Variants in GPLD1 observed in about 807,000 individuals in gnomAD.
GPLD1 encodes the protein glycosylphosphatidylinositol specific phospholipase D1, also known as phosphatidylinositol-glycan-specific phospholipase D.
GPLD1 carries 84 observed loss-of-function variants against 112.6 expected under a neutral mutation model. That is an observed-to-expected ratio of 0.75 (90% confidence interval 0.63 to 0.89). The LOEUF (loss-of-function observed/expected upper bound fraction) is 0.89, where lower values mean the gene tolerates loss of function less well. GPLD1 is among the 40% of genes least tolerant of loss of function. The pLI, the probability that GPLD1 is intolerant of heterozygous loss-of-function variation, is 0.00. For synonymous variants in GPLD1, 386 were observed against 403.8 expected, an observed-to-expected ratio of 0.96 and a Z score of 0.53; for missense variants, 1,044 against 1,051.5, an observed-to-expected ratio of 0.99 and a Z score of 0.10.
At position 24,462,862 on chromosome 6, in the gene GPLD1, T is replaced by A. The variant is rs796709718; in HGVS notation, c.822-67A>T. The A allele has an allele frequency of 2.1e-5, 24 of 1,138,608 alleles. No homozygotes were observed. In the African/African-American group the frequency reaches 3.2e-4, roughly 15 times the overall value. 70.5% of individuals were successfully genotyped at this position (1,138,608 alleles called of 1,614,324 possible). ...TCACAAGCATGAATTTTACCGAGAA[T>A]CGGTAGTGCGCTTCAATCATCTCCC... On this transcript the variant is annotated intron_variant, in intron 10 of 24. Coordinates refer to ENST00000230036, the MANE Select transcript of GPLD1 (RefSeq NM_001503.4).
intron 3 of GPLD1, among the ~76,000 whole-genome samples, chr6:24,477,391 C>T (rs2760153): frequency 0.89 from 135,129 of 151,018 alleles, 61,153 homozygotes; most frequent in African/African-American, 0.96. Flanking sequence ...ACTGTAATTA[C>T]AAAGGCTAAT....
At position 24,467,191 on chromosome 6, in the gene GPLD1, C is replaced by A. The variant is rs779895970; in HGVS notation, c.629G>T (p.Cys210Phe). The A allele has an allele frequency of 2.5e-6, 4 of 1,595,654 alleles. No homozygotes were observed. Among genetic ancestry groups the A allele is most frequent in the Admixed American group, 1.7e-5 (1 of 59,966 alleles). ...KVITENVIVD[C>F]SHIQFLEMYG... ...CATTTCTAAGAACTGGATATGTGAACAATCAACGATTACATTTTCGGTGAT... is the reference window on the plus strand; with the variant it reads ...CATTTCTAAGAACTGGATATGTGAAAAATCAACGATTACATTTTCGGTGAT... The change falls in exon 8 of 25, where the codon TGT (cysteine) becomes TTT (phenylalanine). Residue 210 changes from cysteine (C) to phenylalanine (F), a missense_variant. Physicochemically the swap from Cys to Phe is radical, Grantham distance 205. Coordinates refer to ENST00000230036, the MANE Select transcript of GPLD1 (RefSeq NM_001503.4).
intron 13 of GPLD1, among the ~76,000 whole-genome samples, chr6:24,454,637 T>C (rs1008016575): frequency 1.3e-5 from 2 of 150,624 alleles, no homozygotes; most frequent in Admixed American, 7.3e-5. Context: ...AAATAGACTA[T>C]GTTTTTACCA....
chr6:24,453,879 G>C, intron 14 of GPLD1, 136 bp downstream of exon 14: 2 of 631,142 alleles, frequency 3.2e-6, no homozygotes, highest in Non-Finnish European at 5.6e-6. Context: ...ACTAAAAAGT[G>C]CTTCACAAAT....
intron 22 of GPLD1, chr6:24,433,599 T>C: frequency 6.4e-6 from 3 of 470,852 alleles, no homozygotes; most frequent in Non-Finnish European, 1.1e-5. Context: ...TTCAAGCAAG[T>C]CTCCCGCTTC....
At chr6:24,467,733 T>C (rs1763664392) in intron 7 of GPLD1, among the ~76,000 whole-genome samples, 1 of 152,234 alleles carries the variant, frequency 6.6e-6, no homozygotes, top group African/African-American at 2.4e-5. Context: ...TTTCAGAGTA[T>C]ATAAAGTATA....
At chr6:24,456,690 A>C in intron 12 of GPLD1, 53 bp from the exon 13 acceptor site, 1 of 1,265,194 alleles carries the variant, frequency 7.9e-7, no homozygotes, top group Admixed American at 2.1e-5. Context: ...TAATCAACAA[A>C]GCTACTGTTT....
At chr6:24,469,196 C>A (rs989120557) in intron 7 of GPLD1, among the ~76,000 whole-genome samples, 1 of 151,148 alleles carries the variant, frequency 6.6e-6, no homozygotes, top group African/African-American at 2.4e-5. Context: ...TAAACTAGTT[C>A]AACCATTGTG....
At position 24,445,648 on chromosome 6, in the gene GPLD1, C is replaced by T. The variant is rs200189025; in HGVS notation, c.1927-9G>A. 3.1e-6 allele frequency: 5 copies of T among 1,608,214 alleles called. No homozygotes were observed. Among genetic ancestry groups the T allele is most frequent in the Non-Finnish European group, 4.3e-6 (5 of 1,174,708 alleles). ...CCCAGTTTCCCCATTGCCTGTGAGA[C>T]ACAATAAATCAATATTGTATAGGTG... On this transcript the variant is annotated splice_polypyrimidine_tract_variant and intron_variant, in intron 19 of 24. Transcript: ENST00000230036.
intron 22 of GPLD1, 83 bp from the exon 23 acceptor site, chr6:24,433,472 C>A (rs377614293): frequency 4.2e-5 from 36 of 853,508 alleles, no homozygotes; most frequent in Middle Eastern, 3.6e-4. Flanking sequence ...TACCCTTATA[C>A]CCTCATTTCT....
Position 24,453,250 on chromosome 6 carries a change from G to A in GPLD1, c.1335+765C>T, listed in dbSNP as rs1333867410. ...TGTTTTTATTCTTAATTTTTGACAA[G>A]TATACCATAATTATGTAAGATGTTA... On this transcript the variant is annotated intron_variant, in intron 14 of 24. Transcript: ENST00000230036. Among the ~76,000 whole-genome samples, 4 of 152,124 alleles carry A rather than the reference G, an allele frequency of 2.6e-5. No individual in the cohort carries two copies. In the South Asian group the frequency reaches 6.2e-4, roughly 24 times the overall value.
Position 24,436,564 on chromosome 6 carries a change from T to C in GPLD1, c.2358+12A>G. 1 of 1,610,050 alleles carries C rather than the reference T, an allele frequency of 6.2e-7. No individual in the cohort carries two copies. Among genetic ancestry groups the C allele is most frequent in the Non-Finnish European group, 8.5e-7 (1 of 1,176,890 alleles). On this transcript the variant is annotated intron_variant, in intron 22 of 24. Transcript: ENST00000230036. ...TTTCCCAATAAGTTATAGAATTTTGTAGAACACTTACCTTTTCTTCTGGAC... is the reference window on the plus strand; with the variant it reads ...TTTCCCAATAAGTTATAGAATTTTGCAGAACACTTACCTTTTCTTCTGGAC...
At position 24,473,606 on chromosome 6, in the gene GPLD1, A is replaced by C; in HGVS notation, c.490+13T>G. The C allele has an allele frequency of 6.4e-7, 1 of 1,569,964 alleles. No homozygotes were observed. The highest frequency in any genetic ancestry group is 8.8e-7 in the Non-Finnish European group (1 of 1,140,190). ...TACCACGAGAAAATTTAGCAAATGT[A>C]AATAAACAGTACCAAAATCACCAGC... On this transcript the variant is annotated intron_variant, in intron 6 of 24. Coordinates refer to ENST00000230036, the MANE Select transcript of GPLD1 (RefSeq NM_001503.4).
intron 3 of GPLD1, among the ~76,000 whole-genome samples, chr6:24,478,251 A>G (rs191126191): frequency 2.9e-4 from 44 of 152,366 alleles, no homozygotes; most frequent in Non-Finnish European, 4.7e-4. Flanking sequence ...AAGGAGAACT[A>G]TAACATGCAG....
At position 24,454,135 on chromosome 6, in the gene GPLD1, G is replaced by A. The variant is rs61748578; in HGVS notation, c.1215C>T (p.Tyr405=). The part of the protein sequence containing the change: ...HGDLVVGAPG[Y]SRPGHIHIGR... ...CGATGTGGATGTGGCCGGGGCGGCT[G>A]TAGCCTGGTGCGCCCACCACGAGGT... The change falls in exon 14 of 25, where the codon TAC becomes TAT. Residue 405 remains tyrosine (Y), a synonymous_variant. Coordinates refer to ENST00000230036, the MANE Select transcript of GPLD1 (RefSeq NM_001503.4). 23,428 of 1,613,946 alleles carry A rather than the reference G, an allele frequency of 0.015. 245 individuals carry two copies. The highest frequency in any genetic ancestry group is 0.018 in the Middle Eastern group (109 of 6,056).
In GPLD1 at chr6:24,454,028, A is replaced by AGGATCCTGTG; in HGVS notation, c.1312_1321dup (p.Leu441ProfsTer5). ...ATGGTGTCTCACCTGGAAGCCTTCA[A>AGGATCCTGTG]GGATCCTGTGGGCCTCCTTGTCCAG... On this transcript the variant is annotated frameshift_variant, in exon 14 of 25. Coordinates refer to ENST00000230036, the MANE Select transcript of GPLD1 (RefSeq NM_001503.4). LOFTEE classifies it high-confidence loss of function. The AGGATCCTGTG allele has an allele frequency of 1.2e-6, 2 of 1,610,412 alleles. No individual in the cohort carries two copies. The highest frequency in any genetic ancestry group is 1.7e-6 in the Non-Finnish European group (2 of 1,177,568).
At chr6:24,475,539 C>CA (rs5874985) in intron 4 of GPLD1, among the ~76,000 whole-genome samples, 18,161 of 120,490 alleles carry the variant, frequency 0.15, 2,313 homozygotes, top group African/African-American at 0.38. Flanking sequence ...GACTCTGTCT[C>CA]AAAAAAAAAA....
At chr6:24,470,830 C>T (rs1763792348) in intron 7 of GPLD1, among the ~76,000 whole-genome samples, 1 of 152,022 alleles carries the variant, frequency 6.6e-6, no homozygotes, top group African/African-American at 2.4e-5. Flanking sequence ...AACTCCTGAC[C>T]TCAGGTGATT....
At chr6:24,435,836 A>AAAAATAAAAAAAAATAAAAAAAAT (rs1762559409) in intron 22 of GPLD1, 1 of 146,528 alleles carries the variant, frequency 6.8e-6, no homozygotes, top group Non-Finnish European at 1.5e-5. Flanking sequence ...AAAAAAAAAA[A>AAAAATAAAAAAAAATAAAAAAAAT]AAAAAAAAAA....
Sources: gnomAD v4.1 joint callset for allele counts (sites outside exome capture counted in the v4.1 genomes callset) on GRCh38, gnomAD v4.1.1 for gene constraint, MANE v1.5 for transcripts, NCBI Gene and HGNC (gene_info 2026-07-23, HGNC 2026-07-21) for gene names.